LRFN5: variants seen among roughly 807,000 people sequenced by gnomAD.
LRFN5 encodes the protein leucine rich repeat and fibronectin type III domain containing 5.
LRFN5 carries 24 observed loss-of-function variants against 45.6 expected under a neutral mutation model. That is an observed-to-expected ratio of 0.53 (90% CI 0.38 to 0.74). LRFN5 has a LOEUF of 0.74. Ranked by LOEUF, LRFN5 falls within the 30% of genes least tolerant of loss-of-function variation. The probability of loss-of-function intolerance (pLI) is 0.00; values close to 1 mark genes in which losing one functional copy is unlikely to be tolerated. For missense variants in LRFN5, 776 were observed against 861.5 expected (o/e 0.90, Z 1.24); for synonymous variants, 340 against 313.8 (o/e 1.08, Z -0.88).
intron 2 of LRFN5, among the ~76,000 whole-genome samples, chr14:41,813,237 T>A (rs1207240202): frequency 6.6e-6 from 1 of 152,156 alleles, no homozygotes; most frequent in African/African-American, 2.4e-5. Flanking sequence ...GGGATGCATG[T>A]GCAGAGGGTA....
intron 2 of LRFN5, among the ~76,000 whole-genome samples, chr14:41,768,125 C>G (rs937857730): frequency 1.3e-5 from 2 of 151,988 alleles, no homozygotes; most frequent in African/African-American, 2.4e-5. Context: ...AATGAACCCA[C>G]TTTTATTTTG....
intron 2 of LRFN5, among the ~76,000 whole-genome samples, chr14:41,859,551 C>T (rs1889589742): frequency 6.6e-6 from 1 of 152,156 alleles, no homozygotes; most frequent in South Asian, 2.1e-4. Flanking sequence ...TTGTGTAACC[C>T]AGAGGGGGAA....
chr14:41,898,487 A>G (rs1891008870), intron 4 of LRFN5, among the ~76,000 whole-genome samples: 1 of 152,054 alleles, frequency 6.6e-6, no homozygotes, highest in African/African-American at 2.4e-5. Flanking sequence ...TATGGTGAAC[A>G]TAGTTAAACT....
chr14:41,819,968 T>TA (rs201521716), intron 2 of LRFN5, among the ~76,000 whole-genome samples: 6,407 of 151,744 alleles, frequency 0.042, 456 homozygotes, highest in African/African-American at 0.15. Flanking sequence ...TGTTTTTTTT[T>TA]TTATTTTTCA....
At chr14:41,874,019 G>A (rs1413934252) in intron 2 of LRFN5, among the ~76,000 whole-genome samples, 1 of 152,168 alleles carries the variant, frequency 6.6e-6, no homozygotes, top group Non-Finnish European at 1.5e-5. Flanking sequence ...CCAGTTAATA[G>A]CATTCAAATT....
Position 41,856,675 on chromosome 14 carries a change from A to ATTATTATTATTTTTT in LRFN5, c.-20-29929_-20-29928insATTATTATTTTTTTT. Among the ~76,000 whole-genome samples the ATTATTATTATTTTTT allele has an allele frequency of 1.9e-3, 34 of 18,336 alleles. 2 individuals carry two copies. The highest frequency in any genetic ancestry group is 3.8e-3 in the Non-Finnish European group (30 of 7,822). The allele number at this position is 18,336 out of a possible 152,430, so 12.0% of individuals were successfully genotyped here. A position where few individuals can be genotyped will look rare whatever the true frequency, so the allele number is the denominator to read the frequency against. On this transcript the variant is annotated intron_variant, in intron 2 of 5. Transcript: ENST00000298119. The stretch of plus-strand genomic sequence containing the variant: ...TTCTTTCCTAATTATTATTATTATT[A>ATTATTATTATTTTTT]TTTTTTTTTTTTTTTTTTTGAGACG...
chr14:41,797,898 T>G (rs1228709250), intron 2 of LRFN5, among the ~76,000 whole-genome samples: 1 of 151,934 alleles, frequency 6.6e-6, no homozygotes, highest in Non-Finnish European at 1.5e-5. Context: ...ATGTTTGGAT[T>G]TCTTGTTTTT....
chr14:41,614,161 A>G (rs1335987922), intron 1 of LRFN5, among the ~76,000 whole-genome samples: 1 of 151,920 alleles, frequency 6.6e-6, no homozygotes, highest in Non-Finnish European at 1.5e-5. Context: ...TGAATGGTTT[A>G]TTTGCACTTG....
intron 1 of LRFN5, among the ~76,000 whole-genome samples, chr14:41,642,008 A>G (rs1462696331): frequency 1.3e-5 from 2 of 152,112 alleles, no homozygotes; most frequent in African/African-American, 4.8e-5. Context: ...CTGACAATGG[A>G]TTCTTTTCAT....
chr14:41,891,959 C>T lies in LRFN5; in HGVS notation c.2095C>T (p.Pro699Ser), dbSNP rs1343574007. 2 of 1,610,766 alleles carry T rather than the reference C, an allele frequency of 1.2e-6. No homozygotes were observed. Among genetic ancestry groups the T allele is most frequent in the Non-Finnish European group, 1.7e-6 (2 of 1,179,302 alleles). Residue 699 changes from proline to serine, a missense_variant, in exon 4 of 6, where the codon CCA becomes TCA. Physicochemically the swap from Pro to Ser is moderately conservative, Grantham distance 74. Coordinates refer to ENST00000298119, the MANE Select transcript of LRFN5 (RefSeq NM_152447.5). ...CACGTCTAAAAGAGCACATATAAAGCCAAGTAAGTTTATCACTTTGCCTGC... is the reference window on the plus strand; with the variant it reads ...CACGTCTAAAAGAGCACATATAAAGTCAAGTAAGTTTATCACTTTGCCTGC... Reference protein sequence around the residue: ...GPTSKRAHIKPNALLTNVDQI... With the variant: ...GPTSKRAHIKSNALLTNVDQI...
intron 1 of LRFN5, among the ~76,000 whole-genome samples, chr14:41,693,367 G>A (rs917458252): frequency 6.6e-6 from 1 of 151,968 alleles, no homozygotes; most frequent in African/African-American, 2.4e-5. Context: ...ACAATATAGA[G>A]TCTTCCATTT....
chr14:41,650,562 A>T (rs557391769), intron 1 of LRFN5, among the ~76,000 whole-genome samples: 8 of 152,286 alleles, frequency 5.3e-5, no homozygotes, highest in African/African-American at 1.7e-4. Flanking sequence ...CTAAGAAGCA[A>T]CCTGACAGTA....
chr14:41,621,462 A>T (rs1888133793), intron 1 of LRFN5, among the ~76,000 whole-genome samples: 1 of 152,138 alleles, frequency 6.6e-6, no homozygotes, highest in Non-Finnish European at 1.5e-5. Context: ...GCCATTTTAA[A>T]CTGAAATGAT....
At chr14:41,868,051 T>C (rs1447127707) in intron 2 of LRFN5, among the ~76,000 whole-genome samples, 1 of 152,094 alleles carries the variant, frequency 6.6e-6, no homozygotes, top group Non-Finnish European at 1.5e-5. Context: ...TGTATGTTTT[T>C]GTTTTTGTAC....
At chr14:41,697,284 A>T (rs1372404116) in intron 1 of LRFN5, among the ~76,000 whole-genome samples, 3 of 151,862 alleles carry the variant, frequency 2.0e-5, no homozygotes, top group African/African-American at 7.2e-5. Context: ...GAAGAAATTA[A>T]ATTTTGCTTT....
At chr14:41,788,142 A>T (rs1886794781) in intron 2 of LRFN5, among the ~76,000 whole-genome samples, 1 of 152,042 alleles carries the variant, frequency 6.6e-6, no homozygotes, top group Non-Finnish European at 1.5e-5. Flanking sequence ...TCAGTCTATG[A>T]TATTTTATTA....
At chr14:41,839,682 C>G (rs976349177) in intron 2 of LRFN5, among the ~76,000 whole-genome samples, 3 of 152,100 alleles carry the variant, frequency 2.0e-5, no homozygotes, top group African/African-American at 7.2e-5. Flanking sequence ...GTGAGAAAGA[C>G]AGCTCAACTC....
chr14:41,750,673 G>A (rs964027811), intron 1 of LRFN5, among the ~76,000 whole-genome samples: 1 of 152,076 alleles, frequency 6.6e-6, no homozygotes. Flanking sequence ...CTAAGACTGG[G>A]TAATTTATAA....
intron 1 of LRFN5, among the ~76,000 whole-genome samples, chr14:41,694,929 A>T (rs1414441904): frequency 6.6e-6 from 1 of 152,006 alleles, no homozygotes; most frequent in South Asian, 2.1e-4. Flanking sequence ...AAAACTAGAC[A>T]TGATTAAGCT....
Sources: allele counts gnomAD v4.1 joint callset (sites outside exome capture counted in the v4.1 genomes callset), GRCh38; gene constraint gnomAD v4.1.1; transcripts MANE v1.5; gene names NCBI Gene and HGNC (gene_info 2026-07-23, HGNC 2026-07-21).